Variants in RABGAP1L observed in about 807,000 individuals in gnomAD.
RABGAP1L encodes the protein RAB GTPase activating protein 1 like.
Under a neutral mutation model 137.7 loss-of-function variants are expected in RABGAP1L, and 63 were observed. The observed-to-expected ratio is 0.46, with a 90% CI of 0.37 to 0.56. RABGAP1L has a LOEUF of 0.56. Among genes scored for constraint, RABGAP1L ranks in the 20% least tolerant of loss-of-function variants. The pLI is 0.00. For synonymous variants in RABGAP1L, 431 were observed against 433.7 expected (o/e 0.99, Z 0.08); for missense variants, 1,095 against 1,244.0 (o/e 0.88, Z 1.80).
intron 17 of RABGAP1L, among the ~76,000 whole-genome samples, chr1:174,727,003 G>GT (rs1287159497): frequency 6.6e-5 from 10 of 152,084 alleles, no homozygotes; most frequent in Admixed American, 2.6e-4. Flanking sequence ...CATTTGGTTT[G>GT]TTTTTTGTGA....
At chr1:174,946,261 A>G (rs1345529613) in intron 19 of RABGAP1L, among the ~76,000 whole-genome samples, 1 of 152,178 alleles carries the variant, frequency 6.6e-6, no homozygotes, top group East Asian at 1.9e-4. Flanking sequence ...TTTGAGAGCT[A>G]TGCATGTTGG....
chr1:174,232,942 A>C (rs1296117809), intron 4 of RABGAP1L, among the ~76,000 whole-genome samples: 2 of 151,994 alleles, frequency 1.3e-5, no homozygotes, highest in Non-Finnish European at 2.9e-5. Flanking sequence ...GGCTGCTGTA[A>C]CAAACTGCCA....
chr1:174,697,577 C>G (rs1181945049), intron 15 of RABGAP1L, among the ~76,000 whole-genome samples: 1 of 152,184 alleles, frequency 6.6e-6, no homozygotes, highest in Non-Finnish European at 1.5e-5. Context: ...CCTTGGCATC[C>G]CAAAGTGCTG....
intron 14 of RABGAP1L, among the ~76,000 whole-genome samples, chr1:174,649,916 T>A (rs939626594): frequency 3.9e-5 from 6 of 152,140 alleles, no homozygotes; most frequent in Admixed American, 2.0e-4. Flanking sequence ...TGTGCCAGTT[T>A]TCAAAGGGAA....
intron 15 of RABGAP1L, among the ~76,000 whole-genome samples, chr1:174,684,640 G>A (rs1051787971): frequency 3.9e-5 from 6 of 152,106 alleles, no homozygotes; most frequent in African/African-American, 1.4e-4. Context: ...TGTGTAAAGG[G>A]CAGAATTAAA....
intron 13 of RABGAP1L, among the ~76,000 whole-genome samples, chr1:174,589,703 T>A (rs57648142): frequency 0.079 from 12,000 of 152,234 alleles, 652 homozygotes; most frequent in East Asian, 0.31. Flanking sequence ...CCAGCACCAT[T>A]TATTGAAGAG....
At chr1:174,575,118 C>T (rs61826902) in intron 13 of RABGAP1L, among the ~76,000 whole-genome samples, 13,662 of 152,074 alleles carry the variant, frequency 0.09, 836 homozygotes, top group East Asian at 0.22. Flanking sequence ...TTAGTAGACA[C>T]GGGGTTTCTC....
chr1:174,307,578 T>C (rs750614118), intron 11 of RABGAP1L, among the ~76,000 whole-genome samples: 1 of 152,176 alleles, frequency 6.6e-6, no homozygotes, highest in Non-Finnish European at 1.5e-5. Flanking sequence ...GTGTCTGGCT[T>C]CTTTCACTTA....
chr1:174,314,459 GT>G (rs148161026), intron 11 of RABGAP1L, among the ~76,000 whole-genome samples: 3,183 of 152,012 alleles, frequency 0.021, 119 homozygotes, highest in African/African-American at 0.07. Flanking sequence ...GAAACCAGTG[GT>G]TTGTTTCATT....
chr1:174,928,828 T>C (rs1293977794), intron 19 of RABGAP1L, among the ~76,000 whole-genome samples: 1 of 152,188 alleles, frequency 6.6e-6, no homozygotes, highest in African/African-American at 2.4e-5. Flanking sequence ...GGGAACTAGT[T>C]AGATAGAGCC....
intron 1 of RABGAP1L, among the ~76,000 whole-genome samples, chr1:174,213,960 TG>T (rs1669094942): frequency 1.3e-5 from 2 of 152,316 alleles, no homozygotes; most frequent in East Asian, 3.9e-4. Flanking sequence ...TCACTGCTTT[TG>T]TTTTCAGCAT....
chr1:174,717,763 A>G (rs950705781), intron 17 of RABGAP1L, among the ~76,000 whole-genome samples: 2 of 152,122 alleles, frequency 1.3e-5, no homozygotes, highest in African/African-American at 4.8e-5. Context: ...CTGGTGGTGA[A>G]CCGCATGATA....
intron 19 of RABGAP1L, among the ~76,000 whole-genome samples, chr1:174,933,413 C>T (rs1454690398): frequency 1.3e-5 from 2 of 152,084 alleles, no homozygotes; most frequent in Admixed American, 6.6e-5. Context: ...GCCCTTATTA[C>T]GATGCTTGGG....
At chr1:174,547,507 C>T (rs953274960) in intron 13 of RABGAP1L, among the ~76,000 whole-genome samples, 2 of 152,040 alleles carry the variant, frequency 1.3e-5, no homozygotes, top group African/African-American at 4.8e-5. Context: ...TGCCCAGGTA[C>T]TTAGGTGGCT....
intron 19 of RABGAP1L, chr1:174,849,689 T>C: frequency 2.3e-6 from 1 of 432,440 alleles, no homozygotes; most frequent in South Asian, 1.7e-5. Flanking sequence ...TTGTATTGCT[T>C]TCTTGTCTTC....
chr1:174,226,101 G>C (rs1399039470), intron 3 of RABGAP1L, among the ~76,000 whole-genome samples: 1 of 152,084 alleles, frequency 6.6e-6, no homozygotes, highest in Non-Finnish European at 1.5e-5. Context: ...TCTGTTATTT[G>C]GCTGGAAAGA....
rs1032763036 is a variant in RABGAP1L, at chr1:174,990,631, G to C, written c.*630G>C. On this transcript the variant is annotated 3_prime_UTR_variant, in exon 26 of 26. Transcript: ENST00000681986. ...AATAGACGGGCTGTTCAGATTATACGCTAGGTAAAAGGAACTGAAATTTTA... is the reference window on the plus strand; with the variant it reads ...AATAGACGGGCTGTTCAGATTATACCCTAGGTAAAAGGAACTGAAATTTTA... The C allele has an allele frequency of 2.0e-5, 3 of 152,176 alleles. No homozygotes were observed. Among genetic ancestry groups the C allele is most frequent in the Admixed American group, 6.5e-5 (1 of 15,278 alleles). 9.4% of individuals were successfully genotyped at this position (152,176 alleles called of 1,614,324 possible).
chr1:174,544,067 T>C (rs1292872928), intron 13 of RABGAP1L, among the ~76,000 whole-genome samples: 1 of 152,202 alleles, frequency 6.6e-6, no homozygotes, highest in Non-Finnish European at 1.5e-5. Context: ...CTGACAGTTA[T>C]GTGTCTTGGA....
intron 11 of RABGAP1L, among the ~76,000 whole-genome samples, chr1:174,331,973 C>T (rs1188158044): frequency 6.6e-6 from 1 of 152,028 alleles, no homozygotes; most frequent in African/African-American, 2.4e-5. Flanking sequence ...GATGGAGTCT[C>T]GCTCTGTCTC....
Sources: allele counts gnomAD v4.1 joint callset (sites outside exome capture counted in the v4.1 genomes callset), GRCh38; gene constraint gnomAD v4.1.1; transcripts MANE v1.5; gene names NCBI Gene and HGNC (gene_info 2026-07-23, HGNC 2026-07-21).